Variants in DMAP1 observed in about 807,000 individuals in gnomAD.
DMAP1 encodes DNA methyltransferase 1-associated protein 1.
Under a neutral mutation model 52.7 loss-of-function variants are expected in DMAP1, and 26 were observed. The observed-to-expected ratio is 0.49, with a 90% CI of 0.36 to 0.68. DMAP1 has a LOEUF of 0.68. Among genes scored for constraint, DMAP1 ranks in the 30% least tolerant of loss-of-function variants. The pLI is 0.00. For synonymous variants in DMAP1, 231 were observed against 246.0 expected (o/e 0.94, Z 0.57); for missense variants, 439 against 625.2 (o/e 0.70, Z 3.18).
intron 7 of DMAP1, 162 bp from the exon 8 acceptor site, chr1:44,219,644 G>A (rs1557756836): frequency 1.5e-5 from 17 of 1,165,050 alleles, no homozygotes; most frequent in East Asian, 9.4e-5. Flanking sequence ...GGTCATAGCA[G>A]CTTTCACTAT....
chr1:44,219,173 GAGC>G lies in DMAP1; in HGVS notation c.842_844del (p.Gln281del). The G allele has an allele frequency of 6.2e-7, 1 of 1,614,228 alleles. No individual in the cohort carries two copies. Among genetic ancestry groups the G allele is most frequent in the Non-Finnish European group, 8.5e-7 (1 of 1,180,042 alleles). On this transcript the variant is annotated inframe_deletion, in exon 6 of 10. Transcript: ENST00000372289. ...GATCACAGCGGCAGACACCACTGCAGAGCAGCGGCGCACGGAACGCAAGGCCCC... is the reference window on the plus strand; with the variant it reads ...GATCACAGCGGCAGACACCACTGCAGAGCGGCGCACGGAACGCAAGGCCCC...
intron 2 of DMAP1, 113 bp downstream of exon 2, chr1:44,214,554 G>A (rs753619121): frequency 6.2e-7 from 1 of 1,612,504 alleles, no homozygotes; most frequent in East Asian, 2.2e-5. Context: ...GCTCCTGCTT[G>A]CTTAGCAGGA....
Position 44,218,386 on chromosome 1 carries a change from A to G in DMAP1, c.469A>G (p.Thr157Ala). The change falls in exon 4 of 10, where the codon ACT (threonine) becomes GCT (alanine). Residue 157 changes from threonine to alanine, a missense_variant. Around this residue, in one of 3 missense-constraint regions of DMAP1, gnomAD observed 142 missense variants for 149.5 expected, o/e 0.95. Coordinates refer to ENST00000372289, the MANE Select transcript of DMAP1 (RefSeq NM_019100.5). This position sits in a 1 kb window ranked among gnomAD's most constrained non-coding sequence, Gnocchi z 5.6. ...CGATGATGCTTGGACTAAGGCAGAA[A>G]CTGACCACCTCTTTGACCTCAGCCG... ...LHDDAWTKAE[T>A]DHLFDLSRRF... 6.2e-7 allele frequency: 1 copy of G among 1,614,174 alleles called. No individual in the cohort carries two copies. The highest frequency in any genetic ancestry group is 8.5e-7 in the Non-Finnish European group (1 of 1,180,024).
At chr1:44,217,072 A>T (rs1643808854) in intron 3 of DMAP1, 1 of 152,236 alleles carries the variant, frequency 6.6e-6, no homozygotes, top group South Asian at 2.1e-4. Flanking sequence ...TTTTATTTCT[A>T]AACCATCAGA....
intron 9 of DMAP1, 33 bp downstream of exon 9, chr1:44,220,342 G>T: frequency 6.5e-7 from 1 of 1,527,954 alleles, no homozygotes; most frequent in East Asian, 2.3e-5. Context: ...AGGCACGCCT[G>T]GGCCCTGCGA....
chr1:44,219,546 G>A (rs1557756782), intron 7 of DMAP1, 69 bp downstream of exon 7: 11 of 1,447,188 alleles, frequency 7.6e-6, no homozygotes, highest in South Asian at 4.1e-5. Flanking sequence ...TGTCCCAAAC[G>A]CTGCAGGCAG....
chr1:44,215,528 G>A (rs578148315), intron 3 of DMAP1: 81 of 331,106 alleles, frequency 2.4e-4, no homozygotes, highest in South Asian at 1.9e-3. Flanking sequence ...AAACATGTAA[G>A]GAAATAAATT....
rs886666642 is a variant in DMAP1, at chr1:44,219,646, T to C, written c.979-160T>C. ...GTGGCCAGGCTAAGGTCATAGCAGC[T>C]TTCACTATATTCAGCTTCCTGGCTA... On this transcript the variant is annotated intron_variant, in intron 7 of 9. Coordinates refer to ENST00000372289, the MANE Select transcript of DMAP1 (RefSeq NM_019100.5). The C allele has an allele frequency of 4.3e-5, 50 of 1,166,426 alleles. No individual in the cohort carries two copies. In the African/African-American group the frequency reaches 7.5e-4, roughly 18 times the overall value. 72.3% of individuals were successfully genotyped at this position (1,166,426 alleles called of 1,614,324 possible).
In DMAP1 at chr1:44,220,264, G is replaced by C. The variant is rs1643877896; in HGVS notation, c.1299G>C (p.Lys433Asn). The change falls in exon 9 of 10, where the codon AAG becomes AAC. Residue 433 changes from lysine to asparagine, a missense_variant. Lys to Asn is a moderately conservative substitution (Grantham distance 94, BLOSUM62 0). Transcript: ENST00000372289. ...AACCCGGACTTGGTCCTGACCCCAA[G>C]GACACCATCATTGATGTGGTGGGCG... ...VTEPGLGPDP[K>N]DTIIDVVGAP... is the part of the protein sequence containing the mutation. The C allele has an allele frequency of 6.4e-7, 1 of 1,566,702 alleles. No individual in the cohort carries two copies. Among genetic ancestry groups the C allele is most frequent in the African/African-American group, 1.4e-5 (1 of 73,866 alleles).
rs748510377 is a variant in DMAP1, at chr1:44,218,444, A to G, written c.527A>G (p.Asp176Gly). The G allele has an allele frequency of 5.6e-6, 9 of 1,614,054 alleles. No homozygotes were observed. The highest frequency in any genetic ancestry group is 1.3e-5 in the African/African-American group (1 of 74,922). Residue 176 changes from aspartate (D) to glycine (G), a missense_variant, in exon 4 of 10, where the codon GAC (aspartate) becomes GGC (glycine). Coordinates refer to ENST00000372289, the MANE Select transcript of DMAP1 (RefSeq NM_019100.5). The surrounding 1 kb of genome is among the most constrained non-coding windows in gnomAD (Gnocchi z 5.6). ...GACCTGCGTTTTGTTGTTATCCATG[A>G]CCGGTATGACCACCAGCAGTTCAAG... ...RFDLRFVVIH[D>G]RYDHQQFKKR... is the part of the protein sequence containing the mutation.
At chr1:44,220,376 G>C in intron 9 of DMAP1, 67 bp downstream of exon 9, 2 of 1,522,650 alleles carry the variant, frequency 1.3e-6, no homozygotes, top group Non-Finnish European at 1.8e-6. Context: ...CATGGGTGTA[G>C]GGGCTCCTCT....
Position 44,218,117 on chromosome 1 carries a change from CAG to C in DMAP1, c.394-191_394-190del, listed in dbSNP as rs1257479147. The C allele has an allele frequency of 4.3e-6, 3 of 700,196 alleles. No individual in the cohort carries two copies. Among genetic ancestry groups the C allele is most frequent in the East Asian group, 5.4e-5 (2 of 37,304 alleles). 43.4% of individuals were successfully genotyped at this position (700,196 alleles called of 1,614,324 possible). A position where few individuals can be genotyped will look rare whatever the true frequency, so the allele number is the denominator to read the frequency against. ...CAGTGAAGTTGATCCTGGAATAAATCAGAGGCAGGCTACAGTCCCAAACCCTG... is the reference window on the plus strand; with the variant it reads ...CAGTGAAGTTGATCCTGGAATAAATCAGGCAGGCTACAGTCCCAAACCCTG... On this transcript the variant is annotated intron_variant, in intron 3 of 9. Coordinates refer to ENST00000372289, the MANE Select transcript of DMAP1 (RefSeq NM_019100.5). This position sits in a 1 kb window ranked among gnomAD's most constrained non-coding sequence, Gnocchi z 5.6.
chr1:44,219,137 C>T lies in DMAP1; in HGVS notation c.802C>T (p.Leu268=). ...KKEREKRSQD[L]QKLITAADTT... ...GGAGCGGGAGAAACGCAGCCAGGAC[C>T]TGCAGAAGCTGATCACAGCGGCAGA... is the stretch of plus-strand genomic sequence containing the variant. The change falls in exon 6 of 10, where the codon CTG becomes TTG. Residue 268 remains leucine, a synonymous_variant. Transcript: ENST00000372289. The T allele has an allele frequency of 6.2e-7, 1 of 1,614,222 alleles. No homozygotes were observed. Among genetic ancestry groups the T allele is most frequent in the Non-Finnish European group, 8.5e-7 (1 of 1,180,038 alleles).
chr1:44,218,244 G>A lies in DMAP1; in HGVS notation c.394-67G>A. On this transcript the variant is annotated intron_variant, in intron 3 of 9. Coordinates refer to ENST00000372289, the MANE Select transcript of DMAP1 (RefSeq NM_019100.5). The surrounding 1 kb of genome is among the most constrained non-coding windows in gnomAD (Gnocchi z 5.6). ...CAAACAGGAGCAGCTGTGGTCACTG[G>A]GGCCTGGAGCCTGCTGGACATGACA... The A allele has an allele frequency of 6.2e-7, 1 of 1,608,830 alleles. No homozygotes were observed. Among genetic ancestry groups the A allele is most frequent in the Non-Finnish European group, 8.5e-7 (1 of 1,175,272 alleles).
Position 44,220,650 on chromosome 1 carries a change from T to C in DMAP1, c.*32T>C, listed in dbSNP as rs12419. Reference sequence around the variant, plus strand: ...CCACGGGGTGTGGGCGACGCTGTTATGTAAATAGAGCTGCTGAGTTGGACC... The same window carrying C: ...CCACGGGGTGTGGGCGACGCTGTTACGTAAATAGAGCTGCTGAGTTGGACC... On this transcript the variant is annotated 3_prime_UTR_variant, in exon 10 of 10. Transcript: ENST00000372289. 0.29 allele frequency: 475,468 copies of C among 1,612,868 alleles called. 71,640 individuals are homozygous for C. Among genetic ancestry groups the C allele is most frequent in the South Asian group, 0.38 (34,639 of 91,028 alleles).
chr1:44,219,037 G>T lies in DMAP1; in HGVS notation c.721-19G>T. On this transcript the variant is annotated intron_variant, in intron 5 of 9. Transcript: ENST00000372289. ...TCCTAGAAGTGCCCTCACACACTTC[G>T]CATCCCTCACTTTCCCAGGTGGCAG... is the stretch of plus-strand genomic sequence containing the variant. 6.2e-7 allele frequency: 1 copy of T among 1,613,174 alleles called. No homozygotes were observed. Among genetic ancestry groups the T allele is most frequent in the Non-Finnish European group, 8.5e-7 (1 of 1,179,592 alleles).
Position 44,218,628 on chromosome 1 carries a change from T to C in DMAP1, c.593T>C (p.Ile198Thr), listed in dbSNP as rs757912210. 5.0e-6 allele frequency: 8 copies of C among 1,613,536 alleles called. No homozygotes were observed. The highest frequency in any genetic ancestry group is 5.9e-6 in the Non-Finnish European group (7 of 1,179,546). Residue 198 changes from isoleucine (I) to threonine (T), a missense_variant, in exon 5 of 10, where the codon ATC becomes ACC. By Grantham distance (89) the Ile-to-Thr change is moderately conservative. Transcript: ENST00000372289. The surrounding 1 kb of genome is among the most constrained non-coding windows in gnomAD (Gnocchi z 5.6). ...GACCTGAAGGAGCGGTACTACCACATCTGTGCTAAGCTTGCCAACGTGCGG... is the reference window on the plus strand; with the variant it reads ...GACCTGAAGGAGCGGTACTACCACACCTGTGCTAAGCTTGCCAACGTGCGG... ...VEDLKERYYH[I>T]CAKLANVRAV...
rs1379267981 is a variant in DMAP1, at chr1:44,218,698, G to A, written c.663G>A (p.Gly221=). The change falls in exon 5 of 10, where the codon GGG becomes GGA. Residue 221 remains glycine (G), a synonymous_variant. Coordinates refer to ENST00000372289, the MANE Select transcript of DMAP1 (RefSeq NM_019100.5). The surrounding 1 kb of genome is among the most constrained non-coding windows in gnomAD (Gnocchi z 5.6). The part of the protein sequence containing the change: ...TDLKIPVFDA[G]HERRRKEQLE... ...TTAAGATACCAGTATTTGATGCTGG[G>A]CACGAACGACGGCGGAAGGAACAGC... 2 of 1,613,850 alleles carry A rather than the reference G, an allele frequency of 1.2e-6. No individual in the cohort carries two copies. The highest frequency in any genetic ancestry group is 1.7e-6 in the Non-Finnish European group (2 of 1,179,822).
At chr1:44,219,340 G>C in intron 6 of DMAP1, 66 bp from the exon 7 acceptor site, 1 of 1,549,324 alleles carries the variant, frequency 6.5e-7, no homozygotes, top group Non-Finnish European at 8.7e-7. Flanking sequence ...TGCTGATGGG[G>C]TGCTAGGACT....
Sources: allele counts gnomAD v4.1 joint callset, GRCh38; gene constraint gnomAD v4.1.1; regional missense constraint gnomAD v4.1.1; non-coding constraint Gnocchi (gnomAD v3.1); transcripts MANE v1.5; gene names NCBI Gene and HGNC (gene_info 2026-07-23, HGNC 2026-07-21).